The following ATP8A2 variants were observed in gnomAD, a reference collection of about 807,000 sequenced individuals.
ATP8A2 encodes phospholipid-transporting ATPase IB.
ATP8A2 carries 100 observed loss-of-function variants against 165.6 expected under a neutral mutation model. That is an observed-to-expected ratio of 0.60 (90% confidence interval 0.51 to 0.71). The LOEUF is 0.71. Among genes scored for constraint, ATP8A2 ranks in the 30% least tolerant of loss-of-function variants. ATP8A2 has a pLI of 0.00. For missense variants in ATP8A2, 1,227 were observed against 1,479.5 expected, an observed-to-expected ratio of 0.83 and a Z score of 2.80; for synonymous variants, 543 against 548.8, an observed-to-expected ratio of 0.99 and a Z score of 0.15.
At chr13:25,613,399 C>A (rs1020460205) in intron 24 of ATP8A2, among the ~76,000 whole-genome samples, 19 of 152,202 alleles carry the variant, frequency 1.2e-4, no homozygotes, top group Non-Finnish European at 2.4e-4. Context: ...CATGGTGAAA[C>A]CTCGTCTCTA....
At chr13:25,570,695 G>T in intron 16 of ATP8A2, 72 bp from the exon 17 acceptor site, 1 of 1,186,230 alleles carries the variant, frequency 8.4e-7, no homozygotes, top group East Asian at 2.4e-5. Flanking sequence ...GTTAGTTGGG[G>T]ATCTGCTTGT....
chr13:25,736,518 G>T (rs992124950), intron 25 of ATP8A2, among the ~76,000 whole-genome samples: 4 of 152,196 alleles, frequency 2.6e-5, no homozygotes, highest in Non-Finnish European at 5.9e-5. Context: ...ATTCGTTGGA[G>T]ACATAAATAC....
intron 2 of ATP8A2, among the ~76,000 whole-genome samples, chr13:25,497,070 G>C (rs1296583309): frequency 6.6e-6 from 1 of 152,178 alleles, no homozygotes; most frequent in Non-Finnish European, 1.5e-5. Flanking sequence ...GTCACCTCCT[G>C]CAGGTGTGTG....
At chr13:25,404,730 G>T (rs1022617614) in intron 1 of ATP8A2, among the ~76,000 whole-genome samples, 2 of 152,008 alleles carry the variant, frequency 1.3e-5, no homozygotes, top group African/African-American at 4.8e-5. Context: ...TTTTGGCTGT[G>T]CTGATTGAGG....
intron 1 of ATP8A2, 30 bp from the exon 2 acceptor site, chr13:25,468,947 G>T (rs775304354): frequency 8.7e-6 from 14 of 1,610,550 alleles, no homozygotes; most frequent in African/African-American, 1.3e-5. Context: ...TCTTTGTGTC[G>T]TATTCTCTGC....
intron 33 of ATP8A2, among the ~76,000 whole-genome samples, chr13:25,882,209 A>G (rs1186161812): frequency 1.3e-5 from 2 of 152,322 alleles, no homozygotes; most frequent in East Asian, 1.9e-4. Context: ...GACGGAAAAG[A>G]TGGTATTATC....
intron 33 of ATP8A2, among the ~76,000 whole-genome samples, chr13:25,894,179 A>C (rs1430323505): frequency 1.3e-5 from 2 of 152,144 alleles, no homozygotes; most frequent in Admixed American, 6.5e-5. Context: ...CTAACATGTA[A>C]GTCTTTAATC....
At chr13:25,450,167 G>A (rs1374478146) in intron 1 of ATP8A2, among the ~76,000 whole-genome samples, 1 of 152,112 alleles carries the variant, frequency 6.6e-6, no homozygotes, top group East Asian at 1.9e-4. Flanking sequence ...TAATTTTTTT[G>A]TGGTGCATAG....
chr13:25,563,395 G>A (rs1363321205), intron 15 of ATP8A2, among the ~76,000 whole-genome samples: 1 of 129,930 alleles, frequency 7.7e-6, no homozygotes, highest in Non-Finnish European at 1.6e-5. Flanking sequence ...GGCAACAAGG[G>A]TGAAATTTCA....
In ATP8A2 at chr13:25,951,970, G is replaced by C. The variant is rs1955378347; in HGVS notation, c.3184-9605G>C. Among the ~76,000 whole-genome samples the C allele has an allele frequency of 2.0e-5, 3 of 152,250 alleles. 1 individual carries two copies. The highest frequency in any genetic ancestry group is 7.2e-5 in the African/African-American group (3 of 41,528). ...GCAGATTTTTGTGCTAGAAGCTGTG[G>C]GTTTACATCTCCTTTGTGCAGGTGT... is the stretch of plus-strand genomic sequence containing the variant. On this transcript the variant is annotated intron_variant, in intron 33 of 36. Transcript: ENST00000381655.
chr13:25,946,791 A>G (rs539431303), intron 33 of ATP8A2, among the ~76,000 whole-genome samples: 98 of 152,288 alleles, frequency 6.4e-4, no homozygotes, highest in African/African-American at 2.3e-3. Context: ...TCTGTTGCCC[A>G]GGCTGGAGGG....
chr13:25,627,885 G>C (rs1184142534), intron 24 of ATP8A2, among the ~76,000 whole-genome samples: 1 of 152,142 alleles, frequency 6.6e-6, no homozygotes, highest in Non-Finnish European at 1.5e-5. Flanking sequence ...GATGATGCCA[G>C]CTCTCACCAT....
intron 33 of ATP8A2, among the ~76,000 whole-genome samples, chr13:25,928,444 A>G (rs2139059898): frequency 6.6e-6 from 1 of 152,344 alleles, no homozygotes; most frequent in South Asian, 2.1e-4. Context: ...CTCTAAAATT[A>G]GCTCAGCCAG....
At chr13:25,421,375 C>A (rs1160877852) in intron 1 of ATP8A2, among the ~76,000 whole-genome samples, 4 of 152,200 alleles carry the variant, frequency 2.6e-5, no homozygotes, top group African/African-American at 9.6e-5. Flanking sequence ...CTCTCTGTTG[C>A]CCAGGCTCAA....
chr13:25,506,963 CTT>C (rs1180788350), intron 2 of ATP8A2, among the ~76,000 whole-genome samples: 3 of 81,412 alleles, frequency 3.7e-5, no homozygotes, highest in Non-Finnish European at 8.6e-5. Flanking sequence ...ATATATATAT[CTT>C]ATTTTACATA....
chr13:25,428,911 G>A (rs368822135), intron 1 of ATP8A2, among the ~76,000 whole-genome samples: 1 of 152,132 alleles, frequency 6.6e-6, no homozygotes, highest in East Asian at 1.9e-4. Flanking sequence ...AGTCCCCTTA[G>A]TAAGAGCTCA....
At chr13:25,528,743 TTG>T (rs2037921824) in intron 2 of ATP8A2, among the ~76,000 whole-genome samples, 1 of 139,456 alleles carries the variant, frequency 7.2e-6, no homozygotes, top group Non-Finnish European at 1.6e-5. Context: ...CATATGCAAC[TTG>T]TGTATGCATA....
intron 25 of ATP8A2, among the ~76,000 whole-genome samples, chr13:25,730,641 A>T (rs1437226502): frequency 6.6e-6 from 1 of 152,148 alleles, no homozygotes; most frequent in Non-Finnish European, 1.5e-5. Flanking sequence ...ATAATTTTTC[A>T]TGTATAATAG....
chr13:25,555,174 A>G (rs943072133), intron 13 of ATP8A2, 106 bp downstream of exon 13: 4 of 764,706 alleles, frequency 5.2e-6, no homozygotes, highest in Non-Finnish European at 9.2e-6. Flanking sequence ...TTCTCCATGA[A>G]CATGGCTAGA....
Sources: allele counts gnomAD v4.1 joint callset (sites outside exome capture counted in the v4.1 genomes callset), GRCh38; gene constraint gnomAD v4.1.1; transcripts MANE v1.5; gene names NCBI Gene and HGNC (gene_info 2026-07-23, HGNC 2026-07-21).